CHST8: variants seen among roughly 807,000 people sequenced by gnomAD.
CHST8 encodes GALNAC-4-ST1.
CHST8 carries 10 observed loss-of-function variants against 15.0 expected under a neutral mutation model. The observed-to-expected ratio is 0.67, with a 90% CI of 0.41 to 1.13. CHST8 has a LOEUF of 1.13. Ranked by LOEUF, CHST8 falls within the 50% of genes most tolerant of loss-of-function variation. The pLI, the probability that CHST8 is intolerant of heterozygous loss-of-function variation, is 0.00. For missense variants in CHST8, 634 were observed against 608.2 expected, an observed-to-expected ratio of 1.04 and a Z score of -0.45; for synonymous variants, 259 against 256.6, an observed-to-expected ratio of 1.01 and a Z score of -0.09.
chr19:33,651,329 C>T (rs79655845), intron 1 of CHST8, among the ~76,000 whole-genome samples: 1,906 of 151,956 alleles, frequency 0.013, 32 homozygotes, highest in African/African-American at 0.042. Context: ...TAATATTTCA[C>T]CATTAATCAT....
intron 1 of CHST8, among the ~76,000 whole-genome samples, chr19:33,627,611 T>A (rs1252299583): frequency 6.6e-6 from 1 of 152,194 alleles, no homozygotes; most frequent in African/African-American, 2.4e-5. Context: ...TGCTGGTGAC[T>A]GAGGGCAAGA....
At chr19:33,701,128 G>A (rs1973326432) in intron 3 of CHST8, among the ~76,000 whole-genome samples, 1 of 152,114 alleles carries the variant, frequency 6.6e-6, no homozygotes, top group South Asian at 2.1e-4. Flanking sequence ...TTTGGAGGGG[G>A]AGCCCACTGT....
At chr19:33,662,629 G>C (rs1225105687) in intron 1 of CHST8, among the ~76,000 whole-genome samples, 1 of 152,160 alleles carries the variant, frequency 6.6e-6, no homozygotes, top group Admixed American at 6.5e-5. Context: ...TGCTCAGTGA[G>C]GGTTCCTGGA....
At chr19:33,695,758 A>G (rs1973197275) in intron 3 of CHST8, among the ~76,000 whole-genome samples, 1 of 147,038 alleles carries the variant, frequency 6.8e-6, no homozygotes, top group African/African-American at 2.5e-5. Context: ...GTTCCTTTTT[A>G]TGGCTGAGTA....
At chr19:33,656,951 C>T (rs1434797060) in intron 1 of CHST8, among the ~76,000 whole-genome samples, 1 of 152,024 alleles carries the variant, frequency 6.6e-6, no homozygotes. Context: ...TATTTCTATG[C>T]ATTCTATATG....
intron 3 of CHST8, among the ~76,000 whole-genome samples, chr19:33,767,754 G>T (rs183306056): frequency 1.2e-3 from 182 of 152,340 alleles, no homozygotes; most frequent in Non-Finnish European, 2.1e-3. Context: ...TGCGTGGTTG[G>T]TCTTGGATTC....
chr19:33,721,095 A>T (rs1468430376), intron 3 of CHST8, among the ~76,000 whole-genome samples: 1 of 152,220 alleles, frequency 6.6e-6, no homozygotes, highest in Non-Finnish European at 1.5e-5. Context: ...CCATGTAATC[A>T]CAAGGGAATC....
intron 3 of CHST8, among the ~76,000 whole-genome samples, chr19:33,756,866 C>T (rs1368059727): frequency 6.6e-6 from 1 of 152,242 alleles, no homozygotes. Context: ...ACCCTGCAGT[C>T]AGCACCCCAG....
chr19:33,685,976 G>T (rs1972972061), intron 2 of CHST8, among the ~76,000 whole-genome samples: 1 of 152,158 alleles, frequency 6.6e-6, no homozygotes, highest in African/African-American at 2.4e-5. Flanking sequence ...AGGAGGGGAG[G>T]CACGCTGACC....
chr19:33,645,377 T>C (rs1301015247), intron 1 of CHST8, among the ~76,000 whole-genome samples: 1 of 152,160 alleles, frequency 6.6e-6, no homozygotes, highest in Non-Finnish European at 1.5e-5. Context: ...TAAAACAGGT[T>C]CCCTGTTGCT....
At chr19:33,757,259 G>T (rs532224281) in intron 3 of CHST8, among the ~76,000 whole-genome samples, 3 of 151,178 alleles carry the variant, frequency 2.0e-5, no homozygotes, top group African/African-American at 7.3e-5. Flanking sequence ...GTGTGGTGGC[G>T]CACGCCTGCT....
chr19:33,656,114 T>G (rs1159153126), intron 1 of CHST8, among the ~76,000 whole-genome samples: 1 of 152,204 alleles, frequency 6.6e-6, no homozygotes, highest in African/African-American at 2.4e-5. Context: ...TCATTTTATT[T>G]CCTCCTTGAT....
chr19:33,739,566 C>A (rs1006200407), intron 3 of CHST8, among the ~76,000 whole-genome samples: 3 of 152,196 alleles, frequency 2.0e-5, no homozygotes, highest in African/African-American at 7.2e-5. Flanking sequence ...TGCTTCAAAT[C>A]ACAGTGTGCG....
intron 3 of CHST8, among the ~76,000 whole-genome samples, chr19:33,752,525 T>A (rs1209848198): frequency 6.6e-6 from 1 of 152,338 alleles, no homozygotes; most frequent in Admixed American, 6.5e-5. Context: ...CAGGCAACGA[T>A]ACTGAGGAGC....
chr19:33,712,233 T>C (rs530196493), intron 3 of CHST8, among the ~76,000 whole-genome samples: 1 of 152,174 alleles, frequency 6.6e-6, no homozygotes, highest in Non-Finnish European at 1.5e-5. Flanking sequence ...GTTCACCCGA[T>C]TGGTGAGGGG....
chr19:33,769,108 C>T (rs910774758), intron 3 of CHST8, among the ~76,000 whole-genome samples: 20 of 152,330 alleles, frequency 1.3e-4, no homozygotes, highest in South Asian at 4.1e-4. Context: ...GAGACAGTGT[C>T]CCCCTGTCCA....
intron 3 of CHST8, among the ~76,000 whole-genome samples, chr19:33,721,150 C>T (rs971385895): frequency 2.6e-5 from 4 of 152,220 alleles, no homozygotes; most frequent in African/African-American, 7.2e-5. Context: ...CTAGTGCTCT[C>T]GGGGACCCTC....
intron 2 of CHST8, among the ~76,000 whole-genome samples, chr19:33,673,566 A>G (rs1445149452): frequency 6.6e-6 from 1 of 152,032 alleles, no homozygotes; most frequent in Non-Finnish European, 1.5e-5. Flanking sequence ...CTCCTTGCAC[A>G]GTGGCCACCA....
chr19:33,721,084 T>C (rs1176945012), intron 3 of CHST8, among the ~76,000 whole-genome samples: 2 of 152,174 alleles, frequency 1.3e-5, no homozygotes, highest in Non-Finnish European at 2.9e-5. Context: ...GAAATCAAAG[T>C]CCATGTAATC....
Sources: allele counts gnomAD v4.1 joint callset (sites outside exome capture counted in the v4.1 genomes callset), GRCh38; gene constraint gnomAD v4.1.1; transcripts MANE v1.5; gene names NCBI Gene and HGNC (gene_info 2026-07-23, HGNC 2026-07-21).